TOP2B: variants seen among roughly 807,000 people sequenced by gnomAD.
TOP2B encodes the protein DNA topoisomerase 2-beta.
TOP2B carries 51 observed loss-of-function variants against 193.5 expected under a neutral mutation model. That is an observed-to-expected ratio of 0.26 (90% CI 0.21 to 0.33). TOP2B has a LOEUF of 0.33. Among genes scored for constraint, TOP2B ranks in the 10% least tolerant of loss-of-function variants. TOP2B has a pLI of 1.00. For synonymous variants in TOP2B, 634 were observed against 635.7 expected (o/e 1.00, Z 0.04); for missense variants, 1,378 against 1,909.3 (o/e 0.72, Z 5.19).
chr3:25,654,744 G>C (rs1000637086), intron 1 of TOP2B, among the ~76,000 whole-genome samples: 4 of 152,132 alleles, frequency 2.6e-5, no homozygotes, highest in African/African-American at 7.2e-5. Flanking sequence ...AGACAGAAGA[G>C]AGAGCACAGA....
chr3:25,611,299 GGTAAA>G (rs2125353774), intron 28 of TOP2B, among the ~76,000 whole-genome samples: 1 of 152,268 alleles, frequency 6.6e-6, no homozygotes, highest in Non-Finnish European at 1.5e-5. Flanking sequence ...AGAGTATCTG[GGTAAA>G]TGAACCTGTG....
At chr3:25,635,839 TAA>T (rs1703091396) in intron 7 of TOP2B, 95 bp downstream of exon 7, 7 of 969,928 alleles carry the variant, frequency 7.2e-6, no homozygotes, top group Non-Finnish European at 9.2e-6. Context: ...AACACACCAG[TAA>T]AAGAGACTAC....
chr3:25,653,996 C>T (rs993039818), intron 1 of TOP2B, among the ~76,000 whole-genome samples: 1 of 152,136 alleles, frequency 6.6e-6, no homozygotes, highest in Non-Finnish European at 1.5e-5. Flanking sequence ...CAACAGCTAA[C>T]AGCACATATA....
intron 32 of TOP2B, among the ~76,000 whole-genome samples, 170 bp downstream of exon 32, chr3:25,605,873 C>A (rs1287807763): frequency 1.3e-5 from 2 of 151,988 alleles, no homozygotes; most frequent in African/African-American, 4.8e-5. Context: ...TTAGGAATCA[C>A]CTCAGAAAAA....
chr3:25,602,418 A>AAAAAAAAAAAAG (rs1559490134), intron 33 of TOP2B, among the ~76,000 whole-genome samples: 4 of 105,040 alleles, frequency 3.8e-5, no homozygotes, highest in East Asian at 2.7e-4. Flanking sequence ...AAGAAAAAGA[A>AAAAAAAAAAAAG]AAAAAAAAAA....
At position 25,609,282 on chromosome 3, in the gene TOP2B, G is replaced by A. The variant is rs1437042753; in HGVS notation, c.3994C>T (p.Arg1332Trp). The A allele has an allele frequency of 1.9e-6, 3 of 1,601,538 alleles. No homozygotes were observed. The highest frequency in any genetic ancestry group is 1.1e-5 in the South Asian group (1 of 89,188). The change falls in exon 30 of 36, where the codon CGG (arginine) becomes TGG (tryptophan). Residue 1332 changes from arginine to tryptophan, a missense_variant. Transcript: ENST00000264331. Reference sequence around the variant, plus strand: ...GATTCATCATCTGACCAAGGATTCCGTTTCTTCACTTTCTTTGCACTAGGT... The same window carrying A: ...GATTCATCATCTGACCAAGGATTCCATTTCTTCACTTTCTTTGCACTAGGT... ...GKPSAKKVKK[R>W]NPWSDDESKS...
intron 3 of TOP2B, among the ~76,000 whole-genome samples, chr3:25,642,873 G>A (rs1015936607): frequency 6.6e-6 from 1 of 152,062 alleles, no homozygotes; most frequent in African/African-American, 2.4e-5. Flanking sequence ...CTGTATCCTA[G>A]GCACTATAGC....
At chr3:25,651,192 T>G (rs1228824943) in intron 1 of TOP2B, among the ~76,000 whole-genome samples, 2 of 152,128 alleles carry the variant, frequency 1.3e-5, no homozygotes, top group Admixed American at 1.3e-4. Context: ...TATAGAATTT[T>G]TTAAAGCATA....
chr3:25,652,487 A>C (rs12632577), intron 1 of TOP2B, among the ~76,000 whole-genome samples: 53,167 of 152,072 alleles, frequency 0.35, 9,827 homozygotes, highest in African/African-American at 0.48. Flanking sequence ...TTTCCATCAA[A>C]AATGGAATTA....
chr3:25,660,247 T>G (rs1327560676), intron 1 of TOP2B, among the ~76,000 whole-genome samples: 20 of 152,218 alleles, frequency 1.3e-4, no homozygotes, highest in Admixed American at 1.3e-3. Context: ...GCATGTCAAT[T>G]ATCCAATTTT....
intron 1 of TOP2B, among the ~76,000 whole-genome samples, chr3:25,659,925 C>G (rs993993860): frequency 2.2e-4 from 34 of 152,304 alleles, no homozygotes; most frequent in African/African-American, 7.7e-4. Flanking sequence ...AATCTCTAAA[C>G]CCGTTTCCTT....
intron 23 of TOP2B, 116 bp from the exon 24 acceptor site, chr3:25,618,965 A>C: frequency 2.9e-6 from 2 of 686,532 alleles, no homozygotes; most frequent in Non-Finnish European, 4.5e-6. Context: ...CATGTGTGTG[A>C]ACACAGACTA....
chr3:25,656,825 A>C (rs1703759180), intron 1 of TOP2B, among the ~76,000 whole-genome samples: 1 of 152,192 alleles, frequency 6.6e-6, no homozygotes, highest in African/African-American at 2.4e-5. Context: ...ACCTTTTCTA[A>C]ATTTCTACAA....
chr3:25,628,112 TAAAC>T (rs1398570199), intron 15 of TOP2B, among the ~76,000 whole-genome samples: 2 of 134,818 alleles, frequency 1.5e-5, no homozygotes, highest in Non-Finnish European at 3.2e-5. Flanking sequence ...ACTCTAAAAA[TAAAC>T]AATTTTAATA....
intron 7 of TOP2B, 85 bp from the exon 8 acceptor site, chr3:25,634,099 T>C: frequency 2.0e-6 from 2 of 1,019,606 alleles, no homozygotes; most frequent in Non-Finnish European, 2.8e-6. Flanking sequence ...TATACTTTCA[T>C]TTCCTCTCAC....
At chr3:25,634,069 G>C in intron 7 of TOP2B, 55 bp from the exon 8 acceptor site, 2 of 1,343,940 alleles carry the variant, frequency 1.5e-6, no homozygotes, top group Non-Finnish European at 2.0e-6. Context: ...AGCTCAAATA[G>C]GTGAATCACC....
intron 1 of TOP2B, among the ~76,000 whole-genome samples, chr3:25,661,648 AC>A (rs1270493258): frequency 6.6e-6 from 1 of 152,194 alleles, no homozygotes; most frequent in Non-Finnish European, 1.5e-5. Flanking sequence ...TATATTTTTC[AC>A]TTTTTTTAAT....
intron 1 of TOP2B, among the ~76,000 whole-genome samples, chr3:25,649,560 A>C (rs528075979): frequency 6.6e-6 from 1 of 152,062 alleles, no homozygotes; most frequent in East Asian, 1.9e-4. Context: ...TCTCAGCAGA[A>C]ACCTTGCAAG....
chr3:25,615,941 A>AT (rs1702492558), intron 25 of TOP2B: 1 of 159,612 alleles, frequency 6.3e-6, no homozygotes, highest in South Asian at 2.0e-4. Context: ...ATCTTGTCAG[A>AT]TTTTTATACT....
Sources: gnomAD v4.1 joint callset for allele counts (sites outside exome capture counted in the v4.1 genomes callset) on GRCh38, gnomAD v4.1.1 for gene constraint, MANE v1.5 for transcripts, NCBI Gene and HGNC (gene_info 2026-07-23, HGNC 2026-07-21) for gene names.